Variants in SULT1B1 observed in about 807,000 individuals in gnomAD.
SULT1B1 encodes sulfotransferase 1B1.
SULT1B1 carries 28 observed loss-of-function variants against 34.6 expected under a neutral mutation model. The observed-to-expected ratio is 0.81, with a 90% CI of 0.60 to 1.11. SULT1B1 has a LOEUF of 1.11. Among genes scored for constraint, SULT1B1 ranks in the 50% least tolerant of loss-of-function variants. SULT1B1 has a pLI of 0.00. For synonymous variants in SULT1B1, 147 were observed against 110.2 expected, an observed-to-expected ratio of 1.33 and a Z score of -2.09; for missense variants, 374 against 352.2, an observed-to-expected ratio of 1.06 and a Z score of -0.50.
chr4:69,755,397 G>A (rs534524183), intron 1 of SULT1B1, 136 bp from the exon 2 acceptor site: 38 of 609,704 alleles, frequency 6.2e-5, no homozygotes, highest in Non-Finnish European at 9.7e-5. Flanking sequence ...GGCATATTTT[G>A]TGGGCATTAG....
intron 4 of SULT1B1, among the ~76,000 whole-genome samples, chr4:69,745,538 T>C (rs886503708): frequency 1.3e-5 from 2 of 152,228 alleles, no homozygotes. Context: ...GTTGTTGTTG[T>C]TGTTCTCTAT....
intron 4 of SULT1B1, among the ~76,000 whole-genome samples, chr4:69,746,259 A>G (rs1465217642): frequency 1.3e-5 from 2 of 152,186 alleles, no homozygotes; most frequent in Non-Finnish European, 2.9e-5. Flanking sequence ...CTTCTCCATC[A>G]AGGTTGAGAA....
At chr4:69,737,105 A>G (rs1337919920) in intron 4 of SULT1B1, among the ~76,000 whole-genome samples, 2 of 152,150 alleles carry the variant, frequency 1.3e-5, no homozygotes, top group African/African-American at 4.8e-5. Flanking sequence ...AAAAAAAGCC[A>G]GATATACAGC....
At chr4:69,736,445 A>T (rs1020011643) in intron 4 of SULT1B1, among the ~76,000 whole-genome samples, 1 of 152,138 alleles carries the variant, frequency 6.6e-6, no homozygotes, top group Non-Finnish European at 1.5e-5. Flanking sequence ...CCTACTTTCC[A>T]CTTGAGCAGA....
At chr4:69,751,835 C>T (rs1008877939) in intron 3 of SULT1B1, among the ~76,000 whole-genome samples, 14 of 152,206 alleles carry the variant, frequency 9.2e-5, no homozygotes, top group African/African-American at 3.1e-4. Flanking sequence ...TGCATATCCT[C>T]CCTCTCTATC....
At chr4:69,756,311 T>C (rs922182554) in intron 1 of SULT1B1, among the ~76,000 whole-genome samples, 3 of 152,184 alleles carry the variant, frequency 2.0e-5, no homozygotes, top group Non-Finnish European at 4.4e-5. Flanking sequence ...ATGCTTGGTG[T>C]TCCTGTTAAC....
rs1318168921 is a variant in SULT1B1, at chr4:69,724,865, T to C, written c.*2223A>G. 1 of 152,120 alleles carries C rather than the reference T, an allele frequency of 6.6e-6. No individual in the cohort carries two copies. Among genetic ancestry groups the C allele is most frequent in the Non-Finnish European group, 1.5e-5 (1 of 68,042 alleles). 9.4% of individuals were successfully genotyped at this position (152,120 alleles called of 1,614,324 possible). A position where few individuals can be genotyped will look rare whatever the true frequency, so the allele number is the denominator to read the frequency against. On this transcript the variant is annotated 3_prime_UTR_variant, in exon 8 of 8. Coordinates refer to ENST00000310613, the MANE Select transcript of SULT1B1 (RefSeq NM_014465.4). ...CCCTTCCTTACACCTTATACAAAAATTAATTCAAGATGGATTAAAGACTTA... is the reference window on the plus strand; with the variant it reads ...CCCTTCCTTACACCTTATACAAAAACTAATTCAAGATGGATTAAAGACTTA...
intron 4 of SULT1B1, among the ~76,000 whole-genome samples, chr4:69,740,772 A>G (rs767068580): frequency 9.2e-5 from 14 of 152,104 alleles, no homozygotes; most frequent in Non-Finnish European, 1.3e-4. Context: ...CCAGTTTTTA[A>G]TTGGGTTGTT....
chr4:69,727,570 T>C (rs1005449269), intron 7 of SULT1B1, among the ~76,000 whole-genome samples: 1 of 152,080 alleles, frequency 6.6e-6, no homozygotes, highest in Non-Finnish European at 1.5e-5. Flanking sequence ...TAGTCAGGCA[T>C]ATTTTATTTC....
At chr4:69,730,136 GAAATT>G (rs1718015925) in intron 7 of SULT1B1, among the ~76,000 whole-genome samples, 1 of 152,056 alleles carries the variant, frequency 6.6e-6, no homozygotes, top group Non-Finnish European at 1.5e-5. Flanking sequence ...TGTACTAAGT[GAAATT>G]AGTATTTCAC....
At chr4:69,744,718 G>A (rs7665869) in intron 4 of SULT1B1, among the ~76,000 whole-genome samples, 80,876 of 151,878 alleles carry the variant, frequency 0.53, 21,858 homozygotes, top group South Asian at 0.56. Flanking sequence ...TCACATCTCA[G>A]TTTCATTCAG....
rs967680175 is a variant in SULT1B1 at position 69,723,558 on chromosome 4, C to G, written c.*3530G>C. On this transcript the variant is annotated 3_prime_UTR_variant, in exon 8 of 8. Transcript: ENST00000310613. ...GCATCATCCTGATACCAAAGCCTGG[C>G]AGAGACACAACAAAAAAAGAGAATT... is the stretch of plus-strand genomic sequence containing the variant. 1 of 152,126 alleles carries G rather than the reference C, an allele frequency of 6.6e-6. No individual in the cohort carries two copies. The highest frequency in any genetic ancestry group is 2.1e-4 in the South Asian group (1 of 4,830). 9.4% of individuals were successfully genotyped at this position (152,126 alleles called of 1,614,324 possible).
Position 69,733,482 on chromosome 4 carries a change from A to C in SULT1B1, c.528T>G (p.His176Gln). 1 of 1,608,468 alleles carries C rather than the reference A, an allele frequency of 6.2e-7. No individual in the cohort carries two copies. Among genetic ancestry groups the C allele is most frequent in the Non-Finnish European group, 8.5e-7 (1 of 1,177,950 alleles). ...CCTTTTTCTTCCACCAGTTTTTAAC[A>C]TGAGTAAACCAGGAACCATAGGCCA... Reference protein sequence around the residue: ...GKVAYGSWFTHVKNWWKKKEE... With the variant: ...GKVAYGSWFTQVKNWWKKKEE... Residue 176 changes from histidine to glutamine, a missense_variant, in exon 6 of 8, where the codon CAT becomes CAG. His to Gln is a conservative substitution (Grantham distance 24). Transcript: ENST00000310613.
chr4:69,734,874 A>C (rs1029923274), intron 4 of SULT1B1, among the ~76,000 whole-genome samples: 3 of 141,972 alleles, frequency 2.1e-5, no homozygotes, highest in African/African-American at 8.0e-5. Context: ...GCTGGAGTGC[A>C]GTGGTGCGAT....
At chr4:69,746,042 T>C (rs1471322030) in intron 4 of SULT1B1, among the ~76,000 whole-genome samples, 1 of 152,218 alleles carries the variant, frequency 6.6e-6, no homozygotes, top group African/African-American at 2.4e-5. Flanking sequence ...CCTCAATCTC[T>C]TCCAACTTGT....
At chr4:69,747,918 C>T (rs1421576210) in intron 4 of SULT1B1, among the ~76,000 whole-genome samples, 9 of 152,064 alleles carry the variant, frequency 5.9e-5, no homozygotes, top group African/African-American at 2.2e-4. Context: ...CTCTATTCAC[C>T]CTTAATGCCT....
rs1271649763 is a variant in SULT1B1, at chr4:69,734,156, T to G, written c.484A>C (p.Lys162Gln). The G allele has an allele frequency of 6.2e-7, 1 of 1,610,430 alleles. No homozygotes were observed. The highest frequency in any genetic ancestry group is 1.1e-5 in the South Asian group (1 of 90,190). Residue 162 changes from lysine (K) to glutamine (Q), a missense_variant, in exon 5 of 8, where the codon AAA (lysine) becomes CAA (glutamine). By Grantham distance (53) the Lys-to-Gln change is moderately conservative. Transcript: ENST00000310613. ...FPGTWEEYLE[K>Q]FLTGKVAYGS... Reference sequence around the variant, plus strand: ...CACATACCTTTTCCAGTTAAGAATTTCTCCAGATATTCTTCCCAGGTACCA... The same window carrying G: ...CACATACCTTTTCCAGTTAAGAATTGCTCCAGATATTCTTCCCAGGTACCA...
intron 6 of SULT1B1, among the ~76,000 whole-genome samples, chr4:69,732,700 T>C (rs1255904719): frequency 6.6e-6 from 1 of 150,930 alleles, no homozygotes; most frequent in African/African-American, 2.4e-5. Flanking sequence ...GCATGAAAAT[T>C]TGTAGTTGTA....
chr4:69,727,140 A>G lies in SULT1B1; in HGVS notation c.839T>C (p.Ile280Thr), dbSNP rs1319588923. The G allele has an allele frequency of 9.3e-6, 15 of 1,611,868 alleles. No homozygotes were observed. In the Admixed American group the frequency reaches 1.2e-4, roughly 13 times the overall value. The change falls in exon 8 of 8, where the codon ATT becomes ACT. Residue 280 changes from isoleucine (I) to threonine (T), a missense_variant. Physicochemically the swap from Ile to Thr is moderately conservative, Grantham distance 89 (BLOSUM62 -1). Transcript: ENST00000310613. ...AGTTTTGGACATTTCTGTCTCATAA[A>G]TAGCATCAAATTTCTCATTTTGGGC... ...TVAQNEKFDA[I>T]YETEMSKTAL... is the part of the protein sequence containing the mutation.
Sources: gnomAD v4.1 joint callset for allele counts (sites outside exome capture counted in the v4.1 genomes callset) on GRCh38, gnomAD v4.1.1 for gene constraint, MANE v1.5 for transcripts, NCBI Gene and HGNC (gene_info 2026-07-23, HGNC 2026-07-21) for gene names.